Variants in NOTCH4 observed in about 807,000 individuals in gnomAD.
NOTCH4 encodes the protein neurogenic locus notch homolog protein 4.
Under a neutral mutation model 189.0 loss-of-function variants are expected in NOTCH4, and 138 were observed. The ratio of observed to expected loss-of-function variants is 0.73; its 90% CI spans 0.64 to 0.84. The LOEUF is 0.84. NOTCH4 is among the 40% of genes least tolerant of loss of function. The probability of loss-of-function intolerance (pLI) is 0.00; values close to 1 mark genes in which losing one functional copy is unlikely to be tolerated. For missense variants in NOTCH4, 2,286 were observed against 2,605.4 expected, an observed-to-expected ratio of 0.88 and a Z score of 2.67; for synonymous variants, 942 against 1,032.8, an observed-to-expected ratio of 0.91 and a Z score of 1.69.
In NOTCH4 at chr6:32,212,513, G is replaced by T. The variant is rs1789085718; in HGVS notation, c.2641C>A (p.Leu881Ile). 1 of 1,612,960 alleles carries T rather than the reference G, an allele frequency of 6.2e-7. No individual in the cohort carries two copies. Among genetic ancestry groups the T allele is most frequent in the Non-Finnish European group, 8.5e-7 (1 of 1,179,928 alleles). ...GCCTTCTGGCAGGAGGACAGTGGAA[G>T]GTTGCAGAGAGGCCCGGTCCATCCC... ...LQGWTGPLCNLPLSSCQKAAL... is the reference protein window; with the variant it reads ...LQGWTGPLCNIPLSSCQKAAL... Residue 881 changes from leucine to isoleucine, a missense_variant, in exon 17 of 30, where the codon CTT becomes ATT. Leu to Ile is a conservative substitution (Grantham distance 5). Transcript: ENST00000375023. The surrounding 1 kb of genome is among the most constrained non-coding windows in gnomAD (Gnocchi z 4.4).
rs1419762398 is a variant in NOTCH4, at chr6:32,220,837, C to G, written c.841G>C (p.Val281Leu). ...PDCEVNPDNC[V>L]SHQCQNGGTC... ...CCCCCATTCTGACACTGGTGGCTGA[C>G]ACAGTTGTCTGGATTCACCTCACAG... The change falls in exon 5 of 30, where the codon GTC becomes CTC. Residue 281 changes from valine (V) to leucine (L), a missense_variant. Val to Leu is a conservative substitution (Grantham distance 32). Coordinates refer to ENST00000375023, the MANE Select transcript of NOTCH4 (RefSeq NM_004557.4). The G allele has an allele frequency of 6.2e-7, 1 of 1,614,100 alleles. No individual in the cohort carries two copies.
rs2127492861 is a variant in NOTCH4 at position 32,223,911 on chromosome 6, C to T, written c.18G>A (p.Leu6=). 1 of 1,590,622 alleles carries T rather than the reference C, an allele frequency of 6.3e-7. No individual in the cohort carries two copies. ...GCAGCAGCAGCAGCAGCAGCAGCAG[C>T]AGTGAAGGGGGCTGCATTCCACAGC... MQPPS[L]LLLLLLLLLL... is the part of the protein sequence containing the mutation. The change falls in exon 1 of 30, where the codon CTG becomes CTA. Residue 6 remains leucine, a synonymous_variant. Transcript: ENST00000375023.
At position 32,199,009 on chromosome 6, in the gene NOTCH4, G is replaced by A. The variant is rs1468131006; in HGVS notation, c.4452C>T (p.Pro1484=). 1 of 1,612,376 alleles carries A rather than the reference G, an allele frequency of 6.2e-7. No homozygotes were observed. Among genetic ancestry groups the A allele is most frequent in the East Asian group, 2.2e-5 (1 of 44,876 alleles). ...RRREHGALWL[P]PGFTRRPRTQ... is the part of the protein sequence containing the mutation. ...TCCGAGGCCGTCGAGTGAAACCAGG[G>A]GGCAGCCAGAGAGCTCCATGCTCTC... is the stretch of plus-strand genomic sequence containing the variant. Residue 1484 remains proline, a synonymous_variant, in exon 24 of 30, where the codon CCC becomes CCT. Coordinates refer to ENST00000375023, the MANE Select transcript of NOTCH4 (RefSeq NM_004557.4). The surrounding 1 kb of genome is among the most constrained non-coding windows in gnomAD (Gnocchi z 4.9).
chr6:32,201,422 G>A lies in NOTCH4; in HGVS notation c.3834C>T (p.Gly1278=). 1 of 1,555,362 alleles carries A rather than the reference G, an allele frequency of 6.4e-7. No individual in the cohort carries two copies. Among genetic ancestry groups the A allele is most frequent in the Non-Finnish European group, 8.7e-7 (1 of 1,152,592 alleles). The change falls in exon 22 of 30, where the codon GGC becomes GGT. Residue 1278 remains glycine (G), a synonymous_variant. Transcript: ENST00000375023. The surrounding 1 kb of genome is among the most constrained non-coding windows in gnomAD (Gnocchi z 5.5). ...CEKGCNTAEC[G]WDGGDCRPED... is the part of the protein sequence containing the mutation. ...CAGGCCTGCAGTCACCTCCATCCCA[G>A]CCACACTCTGCAGTGTTGCAGCCTT...
At position 32,220,573 on chromosome 6, in the gene NOTCH4, T is replaced by A. The variant is rs2127487694; in HGVS notation, c.991A>T (p.Thr331Ser). Residue 331 changes from threonine (T) to serine (S), a missense_variant, in exon 6 of 30, where the codon ACC becomes TCC. By Grantham distance (58) the Thr-to-Ser change is moderately conservative. Around this residue, in one of 2 missense-constraint regions of NOTCH4, gnomAD observed 1,903 missense variants for 2,261.9 expected, o/e 0.84. Transcript: ENST00000375023. ...QGPPHCRNGG[T>S]CQNSAGSFHC... ...AAGCTACCAGCAGAGTTCTGGCAGG[T>A]GCCCCCGTTTCTGCAGTGAGGGGGA... 1 of 1,613,874 alleles carries A rather than the reference T, an allele frequency of 6.2e-7. No individual in the cohort carries two copies. Among genetic ancestry groups the A allele is most frequent in the East Asian group, 2.2e-5 (1 of 44,864 alleles).
At chr6:32,214,916 A>G (rs1789305772) in intron 12 of NOTCH4, among the ~76,000 whole-genome samples, 1 of 152,156 alleles carries the variant, frequency 6.6e-6, no homozygotes, top group African/African-American at 2.4e-5. Flanking sequence ...ATGAGACCGT[A>G]ATCAGCACTG....
chr6:32,224,031 T>G lies in NOTCH4; in HGVS notation c.-103A>C, dbSNP rs1789973378. On this transcript the variant is annotated 5_prime_UTR_variant, in exon 1 of 30. Transcript: ENST00000375023. Reference sequence around the variant, plus strand: ...CCACCTCCTCTGCTCCCACTGCCCCTCTTCTTCCTCCTCGGCCTGCTGCAA... The same window carrying G: ...CCACCTCCTCTGCTCCCACTGCCCCGCTTCTTCCTCCTCGGCCTGCTGCAA... 1 of 1,192,966 alleles carries G rather than the reference T, an allele frequency of 8.4e-7. No individual in the cohort carries two copies. Among genetic ancestry groups the G allele is most frequent in the African/African-American group, 1.5e-5 (1 of 64,838 alleles). The allele number at this position is 1,192,966 out of a possible 1,614,324, so 73.9% of individuals were successfully genotyped here. A position where few individuals can be genotyped will look rare whatever the true frequency, so the allele number is the denominator to read the frequency against.
In NOTCH4 at chr6:32,220,574, G is replaced by A. The variant is rs1554154164; in HGVS notation, c.990C>T (p.Gly330=). ...AGCTACCAGCAGAGTTCTGGCAGGT[G>A]CCCCCGTTTCTGCAGTGAGGGGGAC... ...TQGPPHCRNG[G]TCQNSAGSFH... Residue 330 remains glycine (G), a synonymous_variant, in exon 6 of 30, where the codon GGC becomes GGT. Transcript: ENST00000375023. The A allele has an allele frequency of 6.2e-7, 1 of 1,613,942 alleles. No homozygotes were observed. Among genetic ancestry groups the A allele is most frequent in the Non-Finnish European group, 8.5e-7 (1 of 1,180,000 alleles).
intron 1 of NOTCH4, 95 bp downstream of exon 1, chr6:32,223,761 C>T (rs1327759860): frequency 1.6e-6 from 2 of 1,272,672 alleles, no homozygotes; most frequent in Admixed American, 2.1e-5. Flanking sequence ...TCCAGCATCC[C>T]TCACACGGCC....
Position 32,201,050 on chromosome 6 carries a change from T to TCCCTTTCCTCCCTCTGCCC in NOTCH4, c.4139+48_4140-45dup, listed in dbSNP as rs754247461. On this transcript the variant is annotated intron_variant, in intron 22 of 29. Transcript: ENST00000375023. The surrounding 1 kb of genome is among the most constrained non-coding windows in gnomAD (Gnocchi z 5.5). ...AGAGACCTCTGTATTGGTCCCTGGC[T>TCCCTTTCCTCCCTCTGCCC]CCCTTTCCTCCCTCTGCCCTCTTAA... 6.4e-7 allele frequency: 1 copy of TCCCTTTCCTCCCTCTGCCC among 1,561,068 alleles called. No individual in the cohort carries two copies. The highest frequency in any genetic ancestry group is 8.7e-7 in the Non-Finnish European group (1 of 1,154,508).
intron 18 of NOTCH4, 71 bp from the exon 19 acceptor site, chr6:32,204,460 AAG>A: frequency 6.5e-7 from 1 of 1,548,908 alleles, no homozygotes; most frequent in Non-Finnish European, 8.8e-7. Context: ...GACCCAGCTC[AAG>A]ATAGTCTGTC....
chr6:32,216,918 G>T (rs1392583217), intron 11 of NOTCH4, 27 bp downstream of exon 11: 1 of 1,612,894 alleles, frequency 6.2e-7, no homozygotes, highest in South Asian at 1.1e-5. Context: ...TATTCTGCCA[G>T]TTCTTTCCAG....
intron 27 of NOTCH4, 81 bp downstream of exon 27, chr6:32,197,218 G>T: frequency 6.6e-7 from 1 of 1,516,122 alleles, no homozygotes; most frequent in Non-Finnish European, 8.8e-7. Context: ...TTTCCTCCTT[G>T]TCAAACTCTA....
chr6:32,199,260 A>C lies in NOTCH4; in HGVS notation c.4316-115T>G. 1.4e-6 allele frequency: 1 copy of C among 731,656 alleles called. No individual in the cohort carries two copies. The highest frequency in any genetic ancestry group is 2.0e-5 in the South Asian group (1 of 49,724). 45.3% of individuals were successfully genotyped at this position (731,656 alleles called of 1,614,324 possible). Reference sequence around the variant, plus strand: ...CTTTGCCTCGGTTTCCTTATCTGCAAAATGGGGATGATAATATAGATTGAG... The same window carrying C: ...CTTTGCCTCGGTTTCCTTATCTGCACAATGGGGATGATAATATAGATTGAG... On this transcript the variant is annotated intron_variant, in intron 23 of 29. Transcript: ENST00000375023. This position sits in a 1 kb window ranked among gnomAD's most constrained non-coding sequence, Gnocchi z 4.9.
rs1457251110 is a variant in NOTCH4 at position 32,198,007 on chromosome 6, G to C, written c.4757-413C>G. On this transcript the variant is annotated intron_variant, in intron 26 of 29. Transcript: ENST00000375023. The surrounding 1 kb of genome is among the most constrained non-coding windows in gnomAD (Gnocchi z 5.5). ...CGGCTAATTTTTTGTATTTTTAGTA[G>C]AGACGGGGTTTCACTGTGTTAGCCA... Among the ~76,000 whole-genome samples the C allele has an allele frequency of 6.6e-6, 1 of 152,080 alleles. No individual in the cohort carries two copies. The highest frequency in any genetic ancestry group is 1.5e-5 in the Non-Finnish European group (1 of 68,006).
At chr6:32,222,443 C>G in intron 3 of NOTCH4, 68 bp downstream of exon 3, 1 of 1,374,438 alleles carries the variant, frequency 7.3e-7, no homozygotes, top group Non-Finnish European at 9.6e-7. Flanking sequence ...CCAGTTCTAT[C>G]TTCCCCACCC....
chr6:32,218,352 G>A (rs1359341589), intron 8 of NOTCH4, among the ~76,000 whole-genome samples: 2 of 152,194 alleles, frequency 1.3e-5, no homozygotes, highest in Non-Finnish European at 2.9e-5. Flanking sequence ...AGGACTACAA[G>A]GCTTTCTGGT....
rs1173436682 is a variant in NOTCH4, at chr6:32,218,005, G to C, written c.1614C>G (p.Ile538Met). ...CHDLLNGFQC[I>M]CLPGFSGTRC... ...GGCATCTGTACTCACCAGGCAGGCA[G>C]ATGCACTGGAAGCCGTTGAGCAGGT... is the stretch of plus-strand genomic sequence containing the variant. Residue 538 changes from isoleucine to methionine, a missense_variant, in exon 9 of 30, where the codon ATC becomes ATG. Around this residue, in one of 2 missense-constraint regions of NOTCH4, gnomAD observed 1,903 missense variants for 2,261.9 expected, o/e 0.84. Coordinates refer to ENST00000375023, the MANE Select transcript of NOTCH4 (RefSeq NM_004557.4). 1 of 1,611,760 alleles carries C rather than the reference G, an allele frequency of 6.2e-7. No individual in the cohort carries two copies. Among genetic ancestry groups the C allele is most frequent in the Non-Finnish European group, 8.5e-7 (1 of 1,177,964 alleles).
rs1787983076 is a variant in NOTCH4, at chr6:32,196,997, T to A, written c.5128A>T (p.Arg1710Trp). ...TCAACCAGGTCTTCCACCGCCAGCC[T>A]GGCAGCCAGCATCAAGGGTGTGGTC... Reference protein sequence around the residue: ...DGTTPLMLAARLAVEDLVEEL... With the variant: ...DGTTPLMLAAWLAVEDLVEEL... The change falls in exon 28 of 30, where the codon AGG (arginine) becomes TGG (tryptophan). Residue 1710 changes from arginine to tryptophan, a missense_variant. Physicochemically the swap from Arg to Trp is moderately radical, Grantham distance 101. Coordinates refer to ENST00000375023, the MANE Select transcript of NOTCH4 (RefSeq NM_004557.4). The A allele has an allele frequency of 6.2e-7, 1 of 1,612,922 alleles. No individual in the cohort carries two copies. Among genetic ancestry groups the A allele is most frequent in the African/African-American group, 1.3e-5 (1 of 74,914 alleles).
Sources: allele counts gnomAD v4.1 joint callset (sites outside exome capture counted in the v4.1 genomes callset), GRCh38; gene constraint gnomAD v4.1.1; regional missense constraint gnomAD v4.1.1; non-coding constraint Gnocchi (gnomAD v3.1); transcripts MANE v1.5; gene names NCBI Gene and HGNC (gene_info 2026-07-23, HGNC 2026-07-21).